Variants in EYS observed in about 807,000 individuals in gnomAD.
EYS encodes the protein protein eyes shut homolog.
A neutral mutation model predicts 282.1 loss-of-function variants in EYS; 250 were observed. The observed-to-expected ratio is 0.89, with a 90% confidence interval of 0.80 to 0.98. The LOEUF is 0.98. Among genes scored for constraint, EYS ranks in the 50% least tolerant of loss-of-function variants. EYS has a pLI of 0.00. For missense variants in EYS, 4,016 were observed against 3,709.0 expected, an observed-to-expected ratio of 1.08 and a Z score of -2.15; for synonymous variants, 1,355 against 1,282.9, an observed-to-expected ratio of 1.06 and a Z score of -1.20.
intron 26 of EYS, among the ~76,000 whole-genome samples, chr6:64,589,672 A>G (rs1267603700): frequency 6.6e-6 from 1 of 152,086 alleles, no homozygotes; most frequent in South Asian, 2.1e-4. Context: ...CAATTTTTGC[A>G]TAGTGCTTTT....
intron 35 of EYS, among the ~76,000 whole-genome samples, chr6:63,935,472 T>C (rs1765031815): frequency 6.6e-6 from 1 of 152,224 alleles, no homozygotes; most frequent in South Asian, 2.1e-4. Flanking sequence ...GTGATTAAGT[T>C]AAAAAGAAGT....
chr6:64,460,265 G>A (rs1775699688), intron 26 of EYS, among the ~76,000 whole-genome samples: 1 of 152,076 alleles, frequency 6.6e-6, no homozygotes, highest in African/African-American at 2.4e-5. Flanking sequence ...AGAAGCCATT[G>A]GATTTATGCT....
chr6:65,670,735 T>C (rs1322295710), intron 1 of EYS, among the ~76,000 whole-genome samples: 3 of 152,110 alleles, frequency 2.0e-5, no homozygotes, highest in Non-Finnish European at 4.4e-5. Flanking sequence ...CCAAAATATA[T>C]GCCATTTCAA....
In EYS at chr6:64,617,115, A is replaced by C. The variant is rs146775947; in HGVS notation, c.3684+303T>G. ...CCTGACGGTATTAAGTAATTCCTCCACTGGCATCCTCCTTCCAAATGCATT... is the reference window on the plus strand; with the variant it reads ...CCTGACGGTATTAAGTAATTCCTCCCCTGGCATCCTCCTTCCAAATGCATT... On this transcript the variant is annotated intron_variant, in intron 24 of 42. Transcript: ENST00000503581. Among the ~76,000 whole-genome samples the C allele has an allele frequency of 1.6e-3, 244 of 152,252 alleles. 2 individuals are homozygous for C. Among genetic ancestry groups the C allele is most frequent in the African/African-American group, 5.8e-3 (239 of 41,542 alleles).
Position 65,506,777 on chromosome 6 carries a change from A to T in EYS, c.-332-10784T>A, listed in dbSNP as rs534276050. On this transcript the variant is annotated intron_variant, in intron 2 of 42. Transcript: ENST00000503581. ...ATGAGCCATCACACCCAGTCACAAT[A>T]TCCTTTTTTAACTAATTTAATTTGA... Among the ~76,000 whole-genome samples, 13 of 151,942 alleles carry T rather than the reference A, an allele frequency of 8.6e-5. 1 individual carries two copies. In the South Asian group the frequency reaches 2.1e-3, roughly 24 times the overall value.
intron 12 of EYS, among the ~76,000 whole-genome samples, chr6:65,207,636 G>C (rs1456746254): frequency 1.3e-5 from 2 of 151,634 alleles, no homozygotes; most frequent in Non-Finnish European, 3.0e-5. Context: ...CATACTACAA[G>C]GGTATACGAA....
chr6:65,190,460 T>C (rs994062968), intron 12 of EYS, among the ~76,000 whole-genome samples: 5 of 151,438 alleles, frequency 3.3e-5, no homozygotes, highest in African/African-American at 1.2e-4. Context: ...ATAATGGGCC[T>C]ATAAAATTTT....
At chr6:64,808,802 T>G (rs1764511563) in intron 22 of EYS, among the ~76,000 whole-genome samples, 1 of 152,112 alleles carries the variant, frequency 6.6e-6, no homozygotes, top group South Asian at 2.1e-4. Context: ...TATGTACCAT[T>G]GTCTTAGTTC....
At chr6:65,051,080 A>T (rs1210778647) in intron 13 of EYS, among the ~76,000 whole-genome samples, 1 of 151,626 alleles carries the variant, frequency 6.6e-6, no homozygotes, top group East Asian at 1.9e-4. Flanking sequence ...TTACTTGTCT[A>T]TACGTAGCTT....
intron 31 of EYS, among the ~76,000 whole-genome samples, chr6:64,196,638 A>G (rs903192572): frequency 5.9e-5 from 9 of 151,894 alleles, no homozygotes; most frequent in African/African-American, 1.7e-4. Flanking sequence ...GTAAACTATC[A>G]CAAGAACAAA....
At chr6:64,255,980 T>G (rs1330519145) in intron 30 of EYS, among the ~76,000 whole-genome samples, 8 of 152,046 alleles carry the variant, frequency 5.3e-5, no homozygotes. Context: ...TTTTGTATAT[T>G]TCCATGTGCG....
intron 5 of EYS, among the ~76,000 whole-genome samples, chr6:65,451,197 C>A (rs1371398236): frequency 6.6e-6 from 1 of 151,790 alleles, no homozygotes; most frequent in Non-Finnish European, 1.5e-5. Flanking sequence ...AGTAGTGTAG[C>A]CAATTCTAAG....
chr6:64,988,241 A>C (rs1438311673), intron 14 of EYS, among the ~76,000 whole-genome samples: 1 of 151,488 alleles, frequency 6.6e-6, no homozygotes, highest in Non-Finnish European at 1.5e-5. Context: ...CTGGAGAGAG[A>C]GAGATCAGGC....
At chr6:63,844,993 G>A (rs1350584673) in intron 36 of EYS, among the ~76,000 whole-genome samples, 1 of 152,054 alleles carries the variant, frequency 6.6e-6, no homozygotes, top group East Asian at 1.9e-4. Flanking sequence ...ATAGTTTTGG[G>A]TTTTACATTT....
At chr6:64,921,965 CA>C in intron 15 of EYS, among the ~76,000 whole-genome samples, 1 of 150,776 alleles carries the variant, frequency 6.6e-6, no homozygotes, top group East Asian at 2.0e-4. Flanking sequence ...AAAACAAGAA[CA>C]AAAATTAAAA....
In EYS at chr6:64,048,988, C is replaced by A. The variant is rs554929032; in HGVS notation, c.6725+17350G>T. ...CCACTTTATCTTTGAAAATCCTATA[C>A]CATCTTCAAATCTCAAGTGGCCCAA... On this transcript the variant is annotated intron_variant, in intron 33 of 42. Transcript: ENST00000503581. Among the ~76,000 whole-genome samples the A allele has an allele frequency of 3.9e-5, 6 of 152,240 alleles. No homozygotes were observed. The South Asian group carries it at 6.2e-4, about 16-fold the overall frequency.
At chr6:65,684,631 CT>C (rs1768944458) in intron 1 of EYS, among the ~76,000 whole-genome samples, 1 of 151,986 alleles carries the variant, frequency 6.6e-6, no homozygotes, top group African/African-American at 2.4e-5. Context: ...CAGCAGCAGT[CT>C]GTTTTGAGAT....
At chr6:64,706,131 C>A (rs1326148510) in intron 22 of EYS, among the ~76,000 whole-genome samples, 1 of 151,648 alleles carries the variant, frequency 6.6e-6, no homozygotes, top group Non-Finnish European at 1.5e-5. Flanking sequence ...GCACATAGAT[C>A]AATGGAACAG....
rs189827354 is a variant in EYS, at chr6:65,583,128, G to C, written c.-333+56650C>G. ...TTGAATTCCATGTCTATAACTCAAAGGTACTGTTCTAATTGTTAGATAATA... is the reference window on the plus strand; with the variant it reads ...TTGAATTCCATGTCTATAACTCAAACGTACTGTTCTAATTGTTAGATAATA... On this transcript the variant is annotated intron_variant, in intron 2 of 42. Transcript: ENST00000503581. 2.6e-4 allele frequency among the ~76,000 whole-genome samples: 40 copies of C among 152,046 alleles called. 1 individual carries two copies. Among genetic ancestry groups the C allele is most frequent in the Admixed American group, 1.6e-3 (25 of 15,236 alleles).
Sources: gnomAD v4.1 joint callset for allele counts (sites outside exome capture counted in the v4.1 genomes callset) on GRCh38, gnomAD v4.1.1 for gene constraint, MANE v1.5 for transcripts, NCBI Gene and HGNC (gene_info 2026-07-23, HGNC 2026-07-21) for gene names.